The following ARSJ variants were observed in gnomAD, a reference collection of about 807,000 sequenced individuals.
The protein encoded by ARSJ is arylsulfatase family member J.
A neutral mutation model predicts 35.9 loss-of-function variants in ARSJ; 26 were observed. That is an observed-to-expected ratio of 0.72 (90% CI 0.53 to 1.00). The LOEUF (loss-of-function observed/expected upper bound fraction) is 1.00. ARSJ is among the 50% of genes least tolerant of loss of function. ARSJ has a pLI of 0.00. For missense variants in ARSJ, 667 were observed against 723.6 expected (o/e 0.92, Z 0.90); for synonymous variants, 294 against 267.6 (o/e 1.10, Z -0.96).
intron 1 of ARSJ, among the ~76,000 whole-genome samples, chr4:113,922,352 G>A (rs1487551877): frequency 6.6e-6 from 1 of 152,074 alleles, no homozygotes; most frequent in Admixed American, 6.6e-5. Flanking sequence ...TTTCATATTT[G>A]ATATGTAAAC....
At chr4:113,904,456 G>A (rs989570627) in intron 1 of ARSJ, among the ~76,000 whole-genome samples, 1 of 152,022 alleles carries the variant, frequency 6.6e-6, no homozygotes, top group Non-Finnish European at 1.5e-5. Context: ...AAAAATTAGA[G>A]AAAAATCTCC....
chr4:113,937,467 T>C (rs922130422), intron 1 of ARSJ, among the ~76,000 whole-genome samples: 3 of 152,092 alleles, frequency 2.0e-5, no homozygotes, highest in Non-Finnish European at 2.9e-5. Flanking sequence ...GCATTCTCCT[T>C]GAAAACGGCC....
At position 113,938,416 on chromosome 4, in the gene ARSJ, A is replaced by C. The variant is rs188885827; in HGVS notation, c.399-34741T>G. Among the ~76,000 whole-genome samples the C allele has an allele frequency of 3.5e-3, 532 of 152,166 alleles. 4 individuals are homozygous for C. Among genetic ancestry groups the C allele is most frequent in the Admixed American group, 8.7e-3 (133 of 15,258 alleles). On this transcript the variant is annotated intron_variant, in intron 1 of 1. Transcript: ENST00000315366. ...AGATGGATTAAAGACTTAAGTGTAA[A>C]ACCCCAAACCATAAAAACCCTAGAA...
intron 1 of ARSJ, among the ~76,000 whole-genome samples, chr4:113,929,704 G>A (rs755698653): frequency 2.6e-5 from 4 of 151,960 alleles, no homozygotes; most frequent in African/African-American, 4.8e-5. Flanking sequence ...AGCTCTTTCT[G>A]TTTCGCTCAG....
intron 1 of ARSJ, among the ~76,000 whole-genome samples, chr4:113,912,719 G>A (rs565398927): frequency 2.4e-4 from 35 of 148,624 alleles, no homozygotes; most frequent in African/African-American, 7.7e-4. Context: ...ATCAATTGTT[G>A]AATGAATAAA....
chr4:113,904,405 C>A (rs1459796731), intron 1 of ARSJ, among the ~76,000 whole-genome samples: 2 of 152,116 alleles, frequency 1.3e-5, no homozygotes, highest in African/African-American at 4.8e-5. Context: ...TTCCTGAGAT[C>A]ATTTATTTCA....
At chr4:113,968,559 T>C (rs1271843537) in intron 1 of ARSJ, among the ~76,000 whole-genome samples, 2 of 152,100 alleles carry the variant, frequency 1.3e-5, no homozygotes, top group Non-Finnish European at 2.9e-5. Context: ...AAGAACACTC[T>C]ACCAAAGGAA....
At chr4:113,937,448 A>G (rs771854882) in intron 1 of ARSJ, among the ~76,000 whole-genome samples, 6 of 152,106 alleles carry the variant, frequency 3.9e-5, no homozygotes, top group Admixed American at 6.6e-5. Context: ...GAATTGGCAA[A>G]AGCTGGAAGC....
At chr4:113,961,508 G>T (rs189975851) in intron 1 of ARSJ, among the ~76,000 whole-genome samples, 1 of 152,114 alleles carries the variant, frequency 6.6e-6, no homozygotes, top group Admixed American at 6.6e-5. Context: ...CTCAATGTCT[G>T]CACAGCTGTT....
chr4:113,959,168 C>T (rs1283020653), intron 1 of ARSJ, among the ~76,000 whole-genome samples: 2 of 151,956 alleles, frequency 1.3e-5, no homozygotes, highest in East Asian at 1.9e-4. Context: ...TTTCATGTTG[C>T]GGTAGACATT....
At position 113,901,631 on chromosome 4, in the gene ARSJ, C is replaced by T. The variant is rs2099667093; in HGVS notation, c.*643G>A. Reference sequence around the variant, plus strand: ...AGTGTGCTCAAACATTCTTATTTGCCATTCCCTCACGCATGGTAAAATGAG... The same window carrying T: ...AGTGTGCTCAAACATTCTTATTTGCTATTCCCTCACGCATGGTAAAATGAG... On this transcript the variant is annotated 3_prime_UTR_variant, in exon 2 of 2. Coordinates refer to ENST00000315366, the MANE Select transcript of ARSJ (RefSeq NM_024590.4). 6.6e-6 allele frequency: 1 copy of T among 152,412 alleles called. No homozygotes were observed. Among genetic ancestry groups the T allele is most frequent in the African/African-American group, 2.4e-5 (1 of 41,382 alleles). The allele number at this position is 152,412 out of a possible 1,614,324, so 9.4% of individuals were successfully genotyped here.
rs1359920918 is a variant in ARSJ at position 113,903,099 on chromosome 4, A to G, written c.975T>C (p.Ser325=). 1 of 1,614,184 alleles carries G rather than the reference A, an allele frequency of 6.2e-7. No homozygotes were observed. The change falls in exon 2 of 2, where the codon TCT becomes TCC. Residue 325 remains serine (S), a synonymous_variant. Transcript: ENST00000315366. ...CCGTAGGCTGGCCACCATTATCTGA[A>G]GAGTAAATGATAATGCTGTTGTTAT... The part of the protein sequence containing the change: ...GFYNNSIIIY[S]SDNGGQPTAG...
In ARSJ at chr4:113,901,682, A is replaced by C. The variant is rs1445078640; in HGVS notation, c.*592T>G. The C allele has an allele frequency of 6.7e-6, 1 of 149,388 alleles. No homozygotes were observed. Among genetic ancestry groups the C allele is most frequent in the South Asian group, 2.2e-4 (1 of 4,560 alleles). 9.3% of individuals were successfully genotyped at this position (149,388 alleles called of 1,614,324 possible). ...GTGCAAGCTGTTCACATGTGAGAAA[A>C]ACAGCTTTTCACAGGAAAAGAAACA... On this transcript the variant is annotated 3_prime_UTR_variant, in exon 2 of 2. Transcript: ENST00000315366.
rs1430310156 is a variant in ARSJ at position 113,903,529 on chromosome 4, T to A, written c.545A>T (p.Tyr182Phe). ...HMVGKWHLGF[Y>F]RKECMPTRRG... ...TCTGGTGGGCATGCATTCTTTTCTG[T>A]AAAAACCCAAGTGCCATTTTCCGAC... The change falls in exon 2 of 2, where the codon TAC becomes TTC. Residue 182 changes from tyrosine (Y) to phenylalanine (F), a missense_variant. Physicochemically the swap from Tyr to Phe is conservative, Grantham distance 22. Coordinates refer to ENST00000315366, the MANE Select transcript of ARSJ (RefSeq NM_024590.4). 1.9e-6 allele frequency: 3 copies of A among 1,614,056 alleles called. No individual in the cohort carries two copies. The highest frequency in any genetic ancestry group is 2.5e-6 in the Non-Finnish European group (3 of 1,180,036).
At chr4:113,907,706 G>T (rs2099669186) in intron 1 of ARSJ, among the ~76,000 whole-genome samples, 1 of 152,084 alleles carries the variant, frequency 6.6e-6, no homozygotes, top group African/African-American at 2.4e-5. Flanking sequence ...ATAAATAGGA[G>T]ATTGGATAAA....
intron 1 of ARSJ, among the ~76,000 whole-genome samples, chr4:113,915,824 C>G (rs1371774995): frequency 3.3e-5 from 5 of 152,210 alleles, no homozygotes; most frequent in African/African-American, 1.2e-4. Flanking sequence ...AGATGGTCTG[C>G]ACTCTTTCTA....
At chr4:113,923,812 C>T (rs1009886269) in intron 1 of ARSJ, among the ~76,000 whole-genome samples, 13 of 151,104 alleles carry the variant, frequency 8.6e-5, no homozygotes, top group African/African-American at 2.9e-4. Context: ...GTAGAACATT[C>T]CTACAAAAAT....
Position 113,902,823 on chromosome 4 carries a change from A to T in ARSJ, c.1251T>A (p.Asp417Glu), listed in dbSNP as rs1190614651. ...ATATGGGGTCAATGTTATGCAAAAT[A>T]TCTACTCGGGGTGAGCGAAGACCCT... is the stretch of plus-strand genomic sequence containing the variant. ...ISEGLRSPRVDILHNIDPIYT... is the reference protein window; with the variant it reads ...ISEGLRSPRVEILHNIDPIYT... The change falls in exon 2 of 2, where the codon GAT (aspartate) becomes GAA (glutamate). Residue 417 changes from aspartate to glutamate, a missense_variant. Coordinates refer to ENST00000315366, the MANE Select transcript of ARSJ (RefSeq NM_024590.4). The T allele has an allele frequency of 6.2e-7, 1 of 1,614,134 alleles. No homozygotes were observed.
chr4:113,972,578 T>G lies in ARSJ; in HGVS notation c.398+5859A>C, dbSNP rs79444527. Reference sequence around the variant, plus strand: ...AGGCTAGAGTGCGGTGGCCCAATCATAACTCTTTGCAGCCTCAAATTCCTG... The same window carrying G: ...AGGCTAGAGTGCGGTGGCCCAATCAGAACTCTTTGCAGCCTCAAATTCCTG... On this transcript the variant is annotated intron_variant, in intron 1 of 1. Transcript: ENST00000315366. Among the ~76,000 whole-genome samples the G allele has an allele frequency of 2.5e-3, 385 of 152,214 alleles. 2 individuals are homozygous for G. The highest frequency in any genetic ancestry group is 9.0e-3 in the African/African-American group (373 of 41,550).
Sources: allele counts gnomAD v4.1 joint callset (sites outside exome capture counted in the v4.1 genomes callset), GRCh38; gene constraint gnomAD v4.1.1; transcripts MANE v1.5; gene names NCBI Gene and HGNC (gene_info 2026-07-23, HGNC 2026-07-21).